PTPN1: variants seen among roughly 807,000 people sequenced by gnomAD.
PTPN1 encodes tyrosine-protein phosphatase non-receptor type 1.
Under a neutral mutation model 59.9 loss-of-function variants are expected in PTPN1, and 12 were observed. The ratio of observed to expected loss-of-function variants is 0.20; its 90% CI spans 0.13 to 0.32. PTPN1 has a LOEUF of 0.32. PTPN1 is among the 10% of genes least tolerant of loss of function. The pLI is 1.00. For synonymous variants in PTPN1, 178 were observed against 203.6 expected (o/e 0.87, Z 1.07); for missense variants, 356 against 549.2 (o/e 0.65, Z 3.52).
chr20:50,540,242 A>G (rs2082645160), intron 1 of PTPN1, among the ~76,000 whole-genome samples: 1 of 151,960 alleles, frequency 6.6e-6, no homozygotes, highest in South Asian at 2.1e-4. Context: ...TTTTTAGTAG[A>G]GACAGGGTTT....
intron 1 of PTPN1, among the ~76,000 whole-genome samples, chr20:50,555,776 A>T (rs1237395423): frequency 6.6e-6 from 1 of 152,074 alleles, no homozygotes; most frequent in African/African-American, 2.4e-5. Context: ...CACACCAAAA[A>T]AAGTACATAT....
At chr20:50,545,946 G>C (rs994873922) in intron 1 of PTPN1, among the ~76,000 whole-genome samples, 1 of 151,954 alleles carries the variant, frequency 6.6e-6, no homozygotes, top group African/African-American at 2.4e-5. Context: ...GCTGAGGTGG[G>C]AGGATCACCT....
Position 50,582,677 on chromosome 20 carries a change from T to G in PTPN1, c.1285-15T>G. ...GCGGGTCTGGGCTCATCTGAACTGT[T>G]TGGTTTCATTCCAGTTCCTGTTCAA... On this transcript the variant is annotated splice_polypyrimidine_tract_variant and intron_variant, in intron 9 of 9. Transcript: ENST00000371621. This position sits in a 1 kb window ranked among gnomAD's most constrained non-coding sequence, Gnocchi z 4.2. 1.2e-6 allele frequency: 2 copies of G among 1,613,498 alleles called. No homozygotes were observed. Among genetic ancestry groups the G allele is most frequent in the Non-Finnish European group, 1.7e-6 (2 of 1,179,778 alleles).
intron 1 of PTPN1, among the ~76,000 whole-genome samples, chr20:50,526,917 G>C (rs1297187111): frequency 6.6e-6 from 1 of 152,020 alleles, no homozygotes; most frequent in Non-Finnish European, 1.5e-5. Context: ...AAATCCCCCA[G>C]TATTGAGCCC....
chr20:50,535,822 C>T (rs994295426), intron 1 of PTPN1, among the ~76,000 whole-genome samples: 1 of 152,070 alleles, frequency 6.6e-6, no homozygotes, highest in Non-Finnish European at 1.5e-5. Flanking sequence ...GGTCTTGTGT[C>T]GTATATACAT....
intron 1 of PTPN1, among the ~76,000 whole-genome samples, chr20:50,517,042 C>A (rs1416570427): frequency 6.6e-6 from 1 of 152,156 alleles, no homozygotes; most frequent in Non-Finnish European, 1.5e-5. Flanking sequence ...TTGACATAAT[C>A]ATGAGTATCT....
At chr20:50,524,126 C>T (rs1012004285) in intron 1 of PTPN1, among the ~76,000 whole-genome samples, 1 of 152,170 alleles carries the variant, frequency 6.6e-6, no homozygotes, top group Non-Finnish European at 1.5e-5. Flanking sequence ...GGCCTCTAAA[C>T]GCTTCCAGAA....
chr20:50,542,395 T>C (rs866662757), intron 1 of PTPN1, among the ~76,000 whole-genome samples: 4 of 152,214 alleles, frequency 2.6e-5, no homozygotes, highest in South Asian at 2.1e-4. Context: ...TCCCCGAGTT[T>C]ATGTACTGCT....
chr20:50,526,586 A>G (rs2082576479), intron 1 of PTPN1, among the ~76,000 whole-genome samples: 1 of 152,076 alleles, frequency 6.6e-6, no homozygotes, highest in South Asian at 2.1e-4. Context: ...CAGTTGAGAT[A>G]GTCTCTACCT....
chr20:50,569,721 A>G lies in PTPN1; in HGVS notation c.354+1243A>G, dbSNP rs149723537. Among the ~76,000 whole-genome samples the G allele has an allele frequency of 9.4e-4, 143 of 151,914 alleles. 3 individuals are homozygous for G. The East Asian group carries it at 0.026, about 28-fold the overall frequency. On this transcript the variant is annotated intron_variant, in intron 4 of 9. Transcript: ENST00000371621. ...ACTGTCCTGTGTAGACTGTCTCTGTAGACCGTCGTGTATAGACTGTCCTGT... is the reference window on the plus strand; with the variant it reads ...ACTGTCCTGTGTAGACTGTCTCTGTGGACCGTCGTGTATAGACTGTCCTGT...
In PTPN1 at chr20:50,578,590, G is replaced by A. The variant is rs1269411444; in HGVS notation, c.663G>A (p.Arg221=). The A allele has an allele frequency of 6.2e-7, 1 of 1,614,054 alleles. No homozygotes were observed. Among genetic ancestry groups the A allele is most frequent in the Non-Finnish European group, 8.5e-7 (1 of 1,180,044 alleles). Residue 221 remains arginine (R), a synonymous_variant, in exon 6 of 10, where the codon AGG becomes AGA. Coordinates refer to ENST00000371621, the MANE Select transcript of PTPN1 (RefSeq NM_002827.4). ...TGCACTGCAGTGCAGGCATCGGCAG[G>A]TCTGGAACCTTCTGTCTGGCTGATA... ...VVVHCSAGIG[R]SGTFCLADTC... is the part of the protein sequence containing the mutation.
At chr20:50,539,771 T>A (rs1188942703) in intron 1 of PTPN1, among the ~76,000 whole-genome samples, 1 of 151,914 alleles carries the variant, frequency 6.6e-6, no homozygotes. Flanking sequence ...AAAGGATTTT[T>A]TTAACCTTTT....
chr20:50,542,014 C>T (rs2082655244), intron 1 of PTPN1, among the ~76,000 whole-genome samples: 1 of 152,206 alleles, frequency 6.6e-6, no homozygotes, highest in Non-Finnish European at 1.5e-5. Flanking sequence ...TTCTACTCAA[C>T]ACTATTTGTG....
intron 1 of PTPN1, among the ~76,000 whole-genome samples, chr20:50,550,254 C>T (rs921254738): frequency 4.6e-5 from 7 of 152,136 alleles, no homozygotes; most frequent in African/African-American, 1.2e-4. Context: ...GGTAACAACC[C>T]GAACAATCAA....
intron 1 of PTPN1, among the ~76,000 whole-genome samples, chr20:50,546,330 A>G (rs1269975016): frequency 2.6e-5 from 4 of 152,212 alleles, no homozygotes; most frequent in Non-Finnish European, 5.9e-5. Flanking sequence ...CTTAATGCAT[A>G]TGGGGAGTTC....
intron 1 of PTPN1, among the ~76,000 whole-genome samples, chr20:50,511,829 G>A (rs1363421284): frequency 6.6e-6 from 1 of 152,188 alleles, no homozygotes; most frequent in Non-Finnish European, 1.5e-5. Flanking sequence ...AAGGGAGACA[G>A]CAGATGATTC....
At chr20:50,548,274 C>T (rs868682068) in intron 1 of PTPN1, among the ~76,000 whole-genome samples, 1 of 152,130 alleles carries the variant, frequency 6.6e-6, no homozygotes, top group Non-Finnish European at 1.5e-5. Flanking sequence ...AAAAAATTTT[C>T]ATGATTATTC....
chr20:50,569,983 A>T (rs534491653), intron 4 of PTPN1, among the ~76,000 whole-genome samples: 4 of 152,320 alleles, frequency 2.6e-5, no homozygotes, highest in Non-Finnish European at 5.9e-5. Flanking sequence ...AGGAGCAGGG[A>T]ACTGGGTGTC....
chr20:50,580,267 G>A (rs1254757382), intron 8 of PTPN1, among the ~76,000 whole-genome samples: 1 of 152,218 alleles, frequency 6.6e-6, no homozygotes, highest in Non-Finnish European at 1.5e-5. Context: ...GTCCTGAAAT[G>A]TGATGTCCAG....
Sources: gnomAD v4.1 joint callset for allele counts (sites outside exome capture counted in the v4.1 genomes callset) on GRCh38, gnomAD v4.1.1 for gene constraint, Gnocchi (gnomAD v3.1) non-coding constraint, MANE v1.5 for transcripts, NCBI Gene and HGNC (gene_info 2026-07-23, HGNC 2026-07-21) for gene names.